Variants in MTUS1 observed in about 807,000 individuals in gnomAD.
MTUS1 encodes the protein microtubule associated scaffold protein 1.
MTUS1 carries 109 observed loss-of-function variants against 120.8 expected under a neutral mutation model. The observed-to-expected ratio is 0.90, with a 90% CI of 0.77 to 1.06. The LOEUF (loss-of-function observed/expected upper bound fraction) is 1.06, where lower values mean the gene tolerates loss of function less well. Ranked by LOEUF, MTUS1 falls within the 50% of genes least tolerant of loss-of-function variation. The pLI is 0.00. For missense variants in MTUS1, 2,210 were observed against 1,486.3 expected (o/e 1.49, Z -8.01); for synonymous variants, 737 against 550.5 (o/e 1.34, Z -4.74).
At chr8:17,685,953 GA>G (rs1185025168) in intron 6 of MTUS1, among the ~76,000 whole-genome samples, 1 of 152,164 alleles carries the variant, frequency 6.6e-6, no homozygotes, top group Non-Finnish European at 1.5e-5. Flanking sequence ...AGCCCTGAAG[GA>G]AGAACAAATT....
At chr8:17,764,085 G>C (rs2049266960) in intron 1 of MTUS1, among the ~76,000 whole-genome samples, 1 of 152,182 alleles carries the variant, frequency 6.6e-6, no homozygotes, top group Admixed American at 6.5e-5. Context: ...GGGTTTTTTG[G>C]TGGGGAAAGA....
intron 6 of MTUS1, among the ~76,000 whole-genome samples, chr8:17,712,675 C>T (rs916524868): frequency 6.6e-6 from 1 of 152,110 alleles, no homozygotes; most frequent in African/African-American, 2.4e-5. Context: ...TCCATCCATC[C>T]ATCCAAAGTA....
Position 17,743,778 on chromosome 8 carries a change from T to C in MTUS1, c.2113A>G (p.Thr705Ala). The change falls in exon 3 of 15, where the codon ACC becomes GCC. Residue 705 changes from threonine (T) to alanine (A), a missense_variant. By Grantham distance (58) the Thr-to-Ala change is moderately conservative. Transcript: ENST00000693296. ...LFLGSASKTTTTSGRNISKPD... is the reference protein window; with the variant it reads ...LFLGSASKTTATSGRNISKPD... Reference sequence around the variant, plus strand: ...TTGGATATATTCCTACCTGAGGTGGTCGTTGTTTTTGAAGCAGAGCCCTGT... The same window carrying C: ...TTGGATATATTCCTACCTGAGGTGGCCGTTGTTTTTGAAGCAGAGCCCTGT... 3 of 1,613,846 alleles carry C rather than the reference T, an allele frequency of 1.9e-6. No individual in the cohort carries two copies. Among genetic ancestry groups the C allele is most frequent in the Non-Finnish European group, 2.5e-6 (3 of 1,179,924 alleles).
At chr8:17,785,471 G>A (rs1407606676) in intron 1 of MTUS1, among the ~76,000 whole-genome samples, 3 of 152,168 alleles carry the variant, frequency 2.0e-5, no homozygotes, top group Admixed American at 2.0e-4. Flanking sequence ...ACAGCATGGG[G>A]ATGTCAGCTT....
intron 1 of MTUS1, among the ~76,000 whole-genome samples, chr8:17,776,532 A>T (rs1042431141): frequency 2.0e-5 from 3 of 151,994 alleles, no homozygotes; most frequent in African/African-American, 7.3e-5. Flanking sequence ...TACAAAAATG[A>T]GCTGGGCATT....
chr8:17,763,777 G>A (rs1367901813), intron 1 of MTUS1, among the ~76,000 whole-genome samples: 1 of 152,142 alleles, frequency 6.6e-6, no homozygotes, highest in Non-Finnish European at 1.5e-5. Flanking sequence ...CAGATATTAT[G>A]TTTCTATGTG....
At chr8:17,654,307 C>G (rs1807717387) in intron 10 of MTUS1, 1 of 492,310 alleles carries the variant, frequency 2.0e-6, no homozygotes, top group Non-Finnish European at 3.6e-6. Context: ...ACCACCACCG[C>G]CAAAATGGCC....
At position 17,646,019 on chromosome 8, in the gene MTUS1, A is replaced by G. The variant is rs762597779; in HGVS notation, c.3720T>C (p.Cys1240=). The change falls in exon 15 of 15, where the codon TGT becomes TGC. Residue 1240 remains cysteine, a synonymous_variant. Transcript: ENST00000693296. ...LLWKLHNGDL[C]SPKRSPTSSA... is the part of the protein sequence containing the mutation. ...AGGATGTGGGGGATCTCTTGGGGCT[A>G]CACAGGTCCCCATTGTGCAGTTTCC... 14 of 1,613,750 alleles carry G rather than the reference A, an allele frequency of 8.7e-6. No individual in the cohort carries two copies. In the South Asian group the frequency reaches 1.3e-4, roughly 15 times the overall value.
chr8:17,685,145 A>G (rs905529449), intron 6 of MTUS1, among the ~76,000 whole-genome samples: 1 of 152,204 alleles, frequency 6.6e-6, no homozygotes, highest in African/African-American at 2.4e-5. Flanking sequence ...ACTGTTGACT[A>G]TACTATTCCA....
At chr8:17,792,310 C>T (rs1047351817) in intron 1 of MTUS1, among the ~76,000 whole-genome samples, 1 of 152,112 alleles carries the variant, frequency 6.6e-6, no homozygotes, top group Non-Finnish European at 1.5e-5. Flanking sequence ...ACAACTCACA[C>T]CATATAAGGA....
At chr8:17,649,284 T>C (rs1484239093) in intron 13 of MTUS1, among the ~76,000 whole-genome samples, 1 of 152,148 alleles carries the variant, frequency 6.6e-6, no homozygotes, top group African/African-American at 2.4e-5. Flanking sequence ...CTCGAACTCC[T>C]GACCTCAAGT....
At chr8:17,687,952 A>G (rs1388675061) in intron 6 of MTUS1, among the ~76,000 whole-genome samples, 1 of 152,242 alleles carries the variant, frequency 6.6e-6, no homozygotes. Context: ...TCCCAAGACC[A>G]AAAACAATTT....
At chr8:17,701,321 C>G (rs530986235) in intron 6 of MTUS1, among the ~76,000 whole-genome samples, 1 of 152,282 alleles carries the variant, frequency 6.6e-6, no homozygotes, top group Non-Finnish European at 1.5e-5. Context: ...TTTTTCCACA[C>G]TATCCTCTTC....
intron 1 of MTUS1, among the ~76,000 whole-genome samples, chr8:17,781,994 G>A (rs935601402): frequency 7.2e-5 from 11 of 152,202 alleles, no homozygotes; most frequent in Admixed American, 2.0e-4. Flanking sequence ...CAAGGACAGC[G>A]CCCTCTAACC....
chr8:17,792,743 A>G (rs1440904718), intron 1 of MTUS1, among the ~76,000 whole-genome samples: 1 of 152,200 alleles, frequency 6.6e-6, no homozygotes, highest in Admixed American at 6.5e-5. Flanking sequence ...GCATACCTGT[A>G]GTGCCAGGTA....
rs201571326 is a variant in MTUS1 at position 17,753,979 on chromosome 8, G to A, written c.1829C>T (p.Ser610Leu). ...GGCTTTGTCAACATCTTCCTGATTC[G>A]ATTTCACGGCAGATGTTGTTCTTGG... is the stretch of plus-strand genomic sequence containing the variant. Reference protein sequence around the residue: ...RVPRTTSAVKSNQEDVDKASS... With the variant: ...RVPRTTSAVKLNQEDVDKASS... The change falls in exon 2 of 15, where the codon TCG (serine) becomes TTG (leucine). Residue 610 changes from serine to leucine, a missense_variant. Coordinates refer to ENST00000693296, the MANE Select transcript of MTUS1 (RefSeq NM_001363059.2). 5.7e-4 allele frequency: 924 copies of A among 1,614,042 alleles called. 4 individuals carry two copies. Among genetic ancestry groups the A allele is most frequent in the Non-Finnish European group, 6.8e-4 (803 of 1,180,042 alleles).
intron 1 of MTUS1, among the ~76,000 whole-genome samples, chr8:17,761,959 T>A (rs2049069570): frequency 6.6e-6 from 1 of 152,204 alleles, no homozygotes; most frequent in African/African-American, 2.4e-5. Context: ...GCACAACATC[T>A]AAGCTATCAT....
intron 4 of MTUS1, among the ~76,000 whole-genome samples, chr8:17,717,786 C>T (rs1223417294): frequency 6.6e-6 from 1 of 152,098 alleles, no homozygotes; most frequent in Admixed American, 6.6e-5. Flanking sequence ...TGCTGGAAAT[C>T]AGCTGTCTCA....
chr8:17,680,089 G>C (rs1814037554), intron 7 of MTUS1, among the ~76,000 whole-genome samples: 1 of 151,996 alleles, frequency 6.6e-6, no homozygotes. Context: ...ATATAACACA[G>C]ACAATGAAAG....
Sources: gnomAD v4.1 joint callset for allele counts (sites outside exome capture counted in the v4.1 genomes callset) on GRCh38, gnomAD v4.1.1 for gene constraint, MANE v1.5 for transcripts, NCBI Gene and HGNC (gene_info 2026-07-23, HGNC 2026-07-21) for gene names.